The following SYT16 variants were observed in gnomAD, a reference collection of about 807,000 sequenced individuals.
SYT16 encodes synaptotagmin 16.
A neutral mutation model predicts 61.4 loss-of-function variants in SYT16; 42 were observed. The observed-to-expected ratio is 0.68, with a 90% CI of 0.53 to 0.89. The LOEUF is 0.89. SYT16 is among the 40% of genes least tolerant of loss of function. The pLI, the probability that SYT16 is intolerant of heterozygous loss-of-function variation, is 0.00. For missense variants in SYT16, 804 were observed against 807.3 expected (o/e 1.00, Z 0.05); for synonymous variants, 314 against 302.3 (o/e 1.04, Z -0.40).
chr14:62,054,183 T>C (rs1262769739), intron 3 of SYT16, among the ~76,000 whole-genome samples: 3 of 152,220 alleles, frequency 2.0e-5, no homozygotes, highest in African/African-American at 7.2e-5. Flanking sequence ...AGAAAACCTT[T>C]TCCATTTTTC....
intron 1 of SYT16, among the ~76,000 whole-genome samples, chr14:61,863,658 T>A (rs1047551601): frequency 5.9e-5 from 9 of 152,244 alleles, no homozygotes; most frequent in African/African-American, 2.2e-4. Context: ...GGATTGTGCC[T>A]TTGCTGCCGC....
At chr14:61,940,746 A>G (rs1397196146) in intron 1 of SYT16, among the ~76,000 whole-genome samples, 1 of 151,802 alleles carries the variant, frequency 6.6e-6, no homozygotes, top group African/African-American at 2.4e-5. Flanking sequence ...CCCCTTCTCC[A>G]TTTCCCTCCC....
At chr14:62,072,889 TAA>T (rs759309920) in intron 4 of SYT16, among the ~76,000 whole-genome samples, 25 of 152,230 alleles carry the variant, frequency 1.6e-4, no homozygotes, top group Non-Finnish European at 3.4e-4. Flanking sequence ...ATTTCTCTGT[TAA>T]AATAAATTTG....
At chr14:62,011,439 G>A (rs1186371157) in intron 3 of SYT16, among the ~76,000 whole-genome samples, 1 of 152,120 alleles carries the variant, frequency 6.6e-6, no homozygotes, top group Non-Finnish European at 1.5e-5. Flanking sequence ...CCTGGGATTA[G>A]CACTAATTGG....
At chr14:61,833,299 T>TC (rs1407317352) in intron 1 of SYT16, among the ~76,000 whole-genome samples, 3 of 145,482 alleles carry the variant, frequency 2.1e-5, no homozygotes, top group South Asian at 2.2e-4. Flanking sequence ...TCTTTTCTTT[T>TC]TTTTTTTTTT....
intron 3 of SYT16, among the ~76,000 whole-genome samples, chr14:62,020,303 A>C (rs1355411743): frequency 6.6e-6 from 1 of 152,156 alleles, no homozygotes; most frequent in African/African-American, 2.4e-5. Context: ...ACCTCACTCA[A>C]GTTTACTACT....
intron 1 of SYT16, among the ~76,000 whole-genome samples, chr14:61,837,130 C>T (rs2046154849): frequency 2.0e-5 from 3 of 152,066 alleles, no homozygotes; most frequent in Non-Finnish European, 4.4e-5. Context: ...TCAAATGATA[C>T]CTCTATTCAG....
chr14:61,994,215 T>TAGAGTGATGAACGCTTGTAGC (rs2052673934), intron 2 of SYT16, among the ~76,000 whole-genome samples: 1 of 152,184 alleles, frequency 6.6e-6, no homozygotes, highest in South Asian at 2.1e-4. Context: ...GTTGTGAGTC[T>TAGAGTGATGAACGCTTGTAGC]AGAGTGATGA....
chr14:61,838,551 C>T (rs771864497), intron 1 of SYT16, among the ~76,000 whole-genome samples: 4 of 152,204 alleles, frequency 2.6e-5, no homozygotes, highest in African/African-American at 9.6e-5. Context: ...GTGTTTCTGA[C>T]AGAACACAAT....
At chr14:62,042,238 A>G (rs2054763369) in intron 3 of SYT16, among the ~76,000 whole-genome samples, 1 of 152,048 alleles carries the variant, frequency 6.6e-6, no homozygotes, top group Non-Finnish European at 1.5e-5. Context: ...CCTGGCCTCA[A>G]GTGATCCTCC....
At chr14:61,857,059 A>G (rs2046797503) in intron 1 of SYT16, among the ~76,000 whole-genome samples, 1 of 152,242 alleles carries the variant, frequency 6.6e-6, no homozygotes, top group African/African-American at 2.4e-5. Flanking sequence ...AGATGATCCC[A>G]GGAACAGGAA....
intron 3 of SYT16, among the ~76,000 whole-genome samples, chr14:62,052,070 A>G (rs111585009): frequency 1.3e-5 from 2 of 152,258 alleles, no homozygotes; most frequent in African/African-American, 4.8e-5. Context: ...TATTTTTATT[A>G]ATACCTGCTT....
chr14:61,981,591 C>T (rs2052079330), intron 2 of SYT16, among the ~76,000 whole-genome samples: 1 of 152,138 alleles, frequency 6.6e-6, no homozygotes, highest in African/African-American at 2.4e-5. Context: ...GTTTCCCTGG[C>T]TCAGAGAACA....
rs373792517 is a variant in SYT16 at position 62,100,494 on chromosome 14, G to A, written c.1725G>A (p.Glu575=). The A allele has an allele frequency of 2.5e-6, 4 of 1,613,536 alleles. No homozygotes were observed. In the Admixed American group the frequency reaches 6.7e-5, roughly 27 times the overall value. ...RRGQPNPVYK[E]TFVFQVALFQ... Reference sequence around the variant, plus strand: ...GTCAGCCCAATCCTGTCTATAAGGAGACCTTTGTTTTCCAGGTGGCCCTCT... The same window carrying A: ...GTCAGCCCAATCCTGTCTATAAGGAAACCTTTGTTTTCCAGGTGGCCCTCT... The change falls in exon 8 of 8, where the codon GAG becomes GAA. Residue 575 remains glutamate, a synonymous_variant. Coordinates refer to ENST00000683842, the MANE Select transcript of SYT16 (RefSeq NM_001367656.1).
At chr14:62,061,197 A>G (rs2055809233) in intron 3 of SYT16, among the ~76,000 whole-genome samples, 1 of 152,096 alleles carries the variant, frequency 6.6e-6, no homozygotes, top group African/African-American at 2.4e-5. Context: ...ACTGTGATTC[A>G]CTTAGGACAC....
intron 2 of SYT16, among the ~76,000 whole-genome samples, chr14:61,973,147 C>A (rs1250423785): frequency 6.6e-6 from 1 of 152,072 alleles, no homozygotes; most frequent in African/African-American, 2.4e-5. Context: ...ATCAGAGAGG[C>A]AAGAGTGGAT....
intron 1 of SYT16, among the ~76,000 whole-genome samples, chr14:61,862,101 T>C (rs2046983193): frequency 6.6e-6 from 1 of 152,250 alleles, no homozygotes; most frequent in South Asian, 2.1e-4. Flanking sequence ...TTTATTGTTA[T>C]ATTCTTATAG....
At chr14:61,900,218 G>A (rs931184084) in intron 1 of SYT16, among the ~76,000 whole-genome samples, 4 of 150,286 alleles carry the variant, frequency 2.7e-5, no homozygotes, top group African/African-American at 9.8e-5. Context: ...AAATGCAGTG[G>A]CGCAATCTCG....
At chr14:62,070,352 CA>C (rs2056252032) in intron 4 of SYT16, among the ~76,000 whole-genome samples, 1 of 152,116 alleles carries the variant, frequency 6.6e-6, no homozygotes, top group Non-Finnish European at 1.5e-5. Context: ...CTTTTTCAAA[CA>C]GCACATGCCC....
Sources: allele counts gnomAD v4.1 joint callset (sites outside exome capture counted in the v4.1 genomes callset), GRCh38; gene constraint gnomAD v4.1.1; transcripts MANE v1.5; gene names NCBI Gene and HGNC (gene_info 2026-07-23, HGNC 2026-07-21).